The following ADGRG5 variants were observed in gnomAD, a reference collection of about 807,000 sequenced individuals.
ADGRG5 encodes G protein-coupled receptor 114.
A neutral mutation model predicts 53.2 loss-of-function variants in ADGRG5; 37 were observed. The observed-to-expected ratio is 0.70, with a 90% CI of 0.53 to 0.91. The LOEUF is 0.91. ADGRG5 is among the 40% of genes least tolerant of loss of function. The pLI is 0.00. For missense variants in ADGRG5, 614 were observed against 675.8 expected (o/e 0.91, Z 1.01); for synonymous variants, 277 against 290.4 (o/e 0.95, Z 0.47).
chr16:57,560,731 G>A (rs556080287), intron 1 of ADGRG5, among the ~76,000 whole-genome samples: 1 of 152,298 alleles, frequency 6.6e-6, no homozygotes, highest in South Asian at 2.1e-4. Context: ...GGGGAGATCT[G>A]GGGACTGAGT....
chr16:57,569,779 A>C (rs1596797325), intron 9 of ADGRG5, among the ~76,000 whole-genome samples: 1 of 150,938 alleles, frequency 6.6e-6, no homozygotes, highest in East Asian at 2.0e-4. Flanking sequence ...CTCCACCTCC[A>C]TCATCACCAT....
At chr16:57,535,698 A>G in the ADGRG5 span, among the ~76,000 whole-genome samples, 1 of 146,538 alleles carries the variant, frequency 6.8e-6, no homozygotes, top group Non-Finnish European at 1.5e-5. Flanking sequence ...ACATCCCGCT[A>G]GTCCCAGCTC....
chr16:57,564,630 G>A (rs2146802260), intron 5 of ADGRG5, among the ~76,000 whole-genome samples: 1 of 152,304 alleles, frequency 6.6e-6, no homozygotes, highest in Middle Eastern at 3.4e-3. Flanking sequence ...GTCAGCAGAA[G>A]GTTGATTATA....
chr16:57,568,355 C>T (rs892513785), intron 9 of ADGRG5, among the ~76,000 whole-genome samples: 3 of 151,898 alleles, frequency 2.0e-5, no homozygotes, highest in Admixed American at 6.6e-5. Context: ...ACCTCCTCCA[C>T]CTTCATTATC....
intron 5 of ADGRG5, 41 bp from the exon 6 acceptor site, chr16:57,564,993 C>A: frequency 8.1e-7 from 1 of 1,229,562 alleles, no homozygotes; most frequent in Non-Finnish European, 1.2e-6. Context: ...AGGGCCTCCC[C>A]ATTTCCCCTC....
chr16:57,562,846 T>TC (rs1318179417), intron 3 of ADGRG5, among the ~76,000 whole-genome samples: 1 of 152,044 alleles, frequency 6.6e-6, no homozygotes, highest in Non-Finnish European at 1.5e-5. Context: ...GAGGGAGCAG[T>TC]CAGGGAAGGC....
the ADGRG5 span, among the ~76,000 whole-genome samples, chr16:57,529,642 G>C: frequency 6.6e-6 from 1 of 152,186 alleles, no homozygotes; most frequent in African/African-American, 2.4e-5. This position sits in a 1 kb window ranked among gnomAD's most constrained non-coding sequence, Gnocchi z 4.1. Flanking sequence ...ACCCAGGCGG[G>C]GGCACTGGGC....
chr16:57,566,489 TA>T, intron 6 of ADGRG5, 109 bp from the exon 7 acceptor site: 3 of 994,488 alleles, frequency 3.0e-6, no homozygotes, highest in Non-Finnish European at 4.1e-6. Context: ...CAGTGCCTGG[TA>T]AAATGTTGGC....
intron 9 of ADGRG5, among the ~76,000 whole-genome samples, chr16:57,569,132 T>C (rs1284562502): frequency 5.1e-5 from 5 of 97,824 alleles, no homozygotes; most frequent in African/African-American, 8.1e-5. Flanking sequence ...ACCACCATGA[T>C]CACCTCCTCC....
upstream of ADGRG5, among the ~76,000 whole-genome samples, chr16:57,538,936 TA>T (rs371493305): frequency 6.6e-6 from 1 of 152,154 alleles, no homozygotes; most frequent in Non-Finnish European, 1.5e-5. Context: ...AAAAAGATCA[TA>T]AAAATAAATA....
intron 9 of ADGRG5, among the ~76,000 whole-genome samples, chr16:57,569,977 G>A (rs559135384): frequency 2.2e-4 from 32 of 144,852 alleles, no homozygotes; most frequent in East Asian, 1.5e-3. Context: ...CTCCATTACC[G>A]CCTTCATTTT....
chr16:57,542,786 A>C (rs2032518252), intron 1 of ADGRG5, 85 bp downstream of exon 1: 2 of 152,252 alleles, frequency 1.3e-5, no homozygotes, highest in African/African-American at 4.8e-5. Context: ...CACTGGCCAT[A>C]CCCATGTCCA....
In ADGRG5 at chr16:57,551,517, A is replaced by G. The variant is rs114932618; in HGVS notation, c.-39+8816A>G. ...TCAAAAAACCACTCATTGTTCATCTATGAGAAGCGACTCCCCATCCATTCA... is the reference window on the plus strand; with the variant it reads ...TCAAAAAACCACTCATTGTTCATCTGTGAGAAGCGACTCCCCATCCATTCA... On this transcript the variant is annotated intron_variant, in intron 1 of 11. Transcript: ENST00000349457. Among the ~76,000 whole-genome samples, 1,150 of 152,234 alleles carry G rather than the reference A, an allele frequency of 7.6e-3. 17 individuals are homozygous for G. Among genetic ancestry groups the G allele is most frequent in the African/African-American group, 0.025 (1,032 of 41,546 alleles).
At chr16:57,546,423 G>A (rs7195408) in intron 1 of ADGRG5, among the ~76,000 whole-genome samples, 1,715 of 152,270 alleles carry the variant, frequency 0.011, 27 homozygotes, top group African/African-American at 0.039. Flanking sequence ...ACCACGCCCC[G>A]CCATTTGCCC....
intron 1 of ADGRG5, among the ~76,000 whole-genome samples, chr16:57,558,836 C>CTT (rs199859259): frequency 4.5e-5 from 6 of 133,126 alleles, no homozygotes; most frequent in Middle Eastern, 3.8e-3. Flanking sequence ...TGTCCAGTGG[C>CTT]TTTTTTTTTT....
chr16:57,533,861 C>T, the ADGRG5 span, among the ~76,000 whole-genome samples: 1 of 152,154 alleles, frequency 6.6e-6, no homozygotes, highest in Non-Finnish European at 1.5e-5. Flanking sequence ...CCGCCCCTTC[C>T]ACCAGGCTCA....
At chr16:57,539,637 A>G (rs2032461651), upstream of ADGRG5, among the ~76,000 whole-genome samples, 1 of 149,690 alleles carries the variant, frequency 6.7e-6, no homozygotes, top group African/African-American at 2.5e-5. Context: ...TTTTTTTTAT[A>G]GAGGCAGGGT....
At position 57,574,309 on chromosome 16, in the gene ADGRG5, A is replaced by G. The variant is rs1205202243; in HGVS notation, c.1209-506A>G. Among the ~76,000 whole-genome samples the G allele has an allele frequency of 6.6e-5, 10 of 151,722 alleles. No individual in the cohort carries two copies. Among genetic ancestry groups the G allele is most frequent in the Non-Finnish European group, 1.3e-4 (9 of 67,948 alleles). On this transcript the variant is annotated intron_variant, in intron 10 of 11. Transcript: ENST00000349457. This position sits in a 1 kb window ranked among gnomAD's most constrained non-coding sequence, Gnocchi z 4.4. Reference sequence around the variant, plus strand: ...CAAGCCACAGGTTGGCAGCCCGCCCACTCTCCAGCGCAGGCCTTGGTGGCC... The same window carrying G: ...CAAGCCACAGGTTGGCAGCCCGCCCGCTCTCCAGCGCAGGCCTTGGTGGCC...
Position 57,567,451 on chromosome 16 carries a change from C to T in ADGRG5, c.700-19C>T, listed in dbSNP as rs2033165022. The T allele has an allele frequency of 1.2e-6, 2 of 1,604,452 alleles. No homozygotes were observed. Among genetic ancestry groups the T allele is most frequent in the African/African-American group, 1.3e-5 (1 of 74,890 alleles). The stretch of plus-strand genomic sequence containing the variant: ...GCGATACTATGCTTCTGGCCTCCAG[C>T]CCCTCTTCCCTCCTGCAGCAACTCT... On this transcript the variant is annotated intron_variant, in intron 7 of 11. Coordinates refer to ENST00000349457, the MANE Select transcript of ADGRG5 (RefSeq NM_001304376.3).
Sources: allele counts gnomAD v4.1 joint callset (sites outside exome capture counted in the v4.1 genomes callset), GRCh38; gene constraint gnomAD v4.1.1; non-coding constraint Gnocchi (gnomAD v3.1); transcripts MANE v1.5; gene names NCBI Gene and HGNC (gene_info 2026-07-23, HGNC 2026-07-21).